The following CIROP variants were observed in gnomAD, a reference collection of about 807,000 sequenced individuals.
CIROP encodes the protein leishmanolysin homolog.
chr14:23,100,614 C>T, the CIROP span: 13 of 400,568 alleles, frequency 3.2e-5, no homozygotes, highest in South Asian at 3.8e-4. Context: ...CCTTGGCAGC[C>T]AGGGGACTTC....
At chr14:23,104,248 C>T in the CIROP span, 2,409 of 662,442 alleles carry the variant, frequency 3.6e-3, 13 homozygotes, top group Non-Finnish European at 5.4e-3. Context: ...CTCACCTTTG[C>T]CCCCAGGCAA....
At chr14:23,104,609 A>G in the CIROP span, 17 of 701,874 alleles carry the variant, frequency 2.4e-5, no homozygotes, top group East Asian at 4.3e-4. Context: ...CTGCTAGAAC[A>G]GCCTGGATTC....
the CIROP span, chr14:23,099,442 A>G: frequency 2.4e-6 from 1 of 413,430 alleles, no homozygotes; most frequent in South Asian, 1.3e-4. Context: ...TCCCATGGAC[A>G]GCCTTAGGTG....
chr14:23,104,334 C>T, the CIROP span: 1 of 698,960 alleles, frequency 1.4e-6, no homozygotes, highest in Non-Finnish European at 2.6e-6. Flanking sequence ...GAGGACATTT[C>T]TAGGTATCCC....
At chr14:23,103,964 A>G in the CIROP span, 1 of 591,612 alleles carries the variant, frequency 1.7e-6, no homozygotes. Flanking sequence ...CTTCACCCCC[A>G]GTCTCTGATT....
At chr14:23,102,289 G>T in the CIROP span, 1 of 702,658 alleles carries the variant, frequency 1.4e-6, no homozygotes, top group Non-Finnish European at 2.6e-6. Flanking sequence ...GCAGATGGCT[G>T]GTTGTTAGCT....
chr14:23,099,468 A>G, the CIROP span: 1 of 410,624 alleles, frequency 2.4e-6, no homozygotes, highest in Non-Finnish European at 4.5e-6. Context: ...TGGAGGGATT[A>G]TGGTCTGAAG....
chr14:23,102,682 C>T, the CIROP span: 1 of 702,934 alleles, frequency 1.4e-6, no homozygotes, highest in Non-Finnish European at 2.6e-6. Context: ...TCCAGAGAAA[C>T]CCAAGGCATG....
At chr14:23,101,486 G>T in the CIROP span, 1 of 608,520 alleles carries the variant, frequency 1.6e-6, no homozygotes. Context: ...AAGAAGCAAC[G>T]GCTCTGGGGA....
the CIROP span, chr14:23,102,514 C>A: frequency 2.9e-6 from 2 of 698,412 alleles, no homozygotes; most frequent in Non-Finnish European, 5.2e-6. Context: ...GAAGGCAGTA[C>A]GAGGAGAGGA....
chr14:23,102,746 G>A, the CIROP span: 17 of 702,806 alleles, frequency 2.4e-5, no homozygotes, highest in East Asian at 2.4e-4. Flanking sequence ...TAAGGGGGCC[G>A]AATTTGCAGC....
chr14:23,104,867 A>G, the CIROP span: 1 of 696,484 alleles, frequency 1.4e-6, no homozygotes, highest in African/African-American at 1.8e-5. Flanking sequence ...GGCTTGCAGC[A>G]ACCCTGAGGA....
the CIROP span, chr14:23,104,423 G>A: frequency 7.1e-5 from 50 of 703,010 alleles, no homozygotes; most frequent in South Asian, 1.3e-4. Flanking sequence ...CCCAGACAGC[G>A]TGGCAATACT....
chr14:23,100,074 T>C, the CIROP span: 1 of 160,156 alleles, frequency 6.2e-6, no homozygotes, highest in Non-Finnish European at 1.4e-5. Flanking sequence ...CTGGGCAACA[T>C]GGTGAAACTG....
chr14:23,101,694 C>G, the CIROP span: 1 of 702,854 alleles, frequency 1.4e-6, no homozygotes, highest in Admixed American at 2.0e-5. Flanking sequence ...CTTGTACATG[C>G]GGCAGCCTTC....
At chr14:23,102,729 A>G in the CIROP span, 6 of 702,926 alleles carry the variant, frequency 8.5e-6, no homozygotes, top group African/African-American at 1.0e-4. Context: ...GACAAATGAC[A>G]GCCCAGTAAG....
At chr14:23,103,962 C>T in the CIROP span, 1 of 589,808 alleles carries the variant, frequency 1.7e-6, no homozygotes, top group South Asian at 2.1e-5. Flanking sequence ...CCCTTCACCC[C>T]CAGTCTCTGA....
At chr14:23,100,277 G>A in the CIROP span, 71 of 380,998 alleles carry the variant, frequency 1.9e-4, no homozygotes, top group Admixed American at 2.9e-3. Context: ...GAAAAAGGTG[G>A]GGGGAGGGGA....
the CIROP span, chr14:23,100,937 G>A: frequency 7.5e-6 from 3 of 399,064 alleles, no homozygotes; most frequent in East Asian, 7.1e-5. Context: ...GTGTCCTGGA[G>A]GCCCAGCTAA....
Sources: allele counts gnomAD v4.1 joint callset, GRCh38; gene constraint gnomAD v4.1.1; transcripts MANE v1.5; gene names NCBI Gene and HGNC (gene_info 2026-07-23, HGNC 2026-07-21).